SRPRB: variants seen among roughly 807,000 people sequenced by gnomAD.
SRPRB encodes signal recognition particle receptor subunit beta.
In SRPRB, 20 loss-of-function variants were observed where a neutral mutation model predicts 31.9. The ratio of observed to expected loss-of-function variants is 0.63; its 90% CI spans 0.44 to 0.91. The LOEUF (loss-of-function observed/expected upper bound fraction) is 0.91, where lower values mean the gene tolerates loss of function less well. Among genes scored for constraint, SRPRB ranks in the 40% least tolerant of loss-of-function variants. SRPRB has a pLI of 0.00. For synonymous variants in SRPRB, 146 were observed against 132.8 expected, an observed-to-expected ratio of 1.10 and a Z score of -0.68; for missense variants, 321 against 324.9, an observed-to-expected ratio of 0.99 and a Z score of 0.09.
At chr3:133,805,667 G>A, upstream of SRPRB, 4 of 643,016 alleles carry the variant, frequency 6.2e-6, no homozygotes, top group African/African-American at 5.7e-5. Flanking sequence ...TGCCCCTATC[G>A]TTCTGTAGGA....
intron 1 of SRPRB, chr3:133,796,608 T>C (rs1934978366): frequency 6.6e-6 from 1 of 152,212 alleles, no homozygotes; most frequent in Non-Finnish European, 1.5e-5. Context: ...GAGTGTACTT[T>C]TGTTTTCAAT....
chr3:133,798,366 T>C (rs2107961982), intron 1 of SRPRB, among the ~76,000 whole-genome samples: 1 of 152,332 alleles, frequency 6.6e-6, no homozygotes, highest in Middle Eastern at 3.4e-3. Context: ...CATTAAGTAA[T>C]TCAGTGAAAA....
intron 4 of SRPRB, among the ~76,000 whole-genome samples, chr3:133,812,912 TC>T (rs1197522299): frequency 1.3e-5 from 2 of 152,212 alleles, no homozygotes; most frequent in African/African-American, 4.8e-5. Context: ...TTTTACTTCT[TC>T]CCTTTAGATT....
At chr3:133,814,054 A>G (rs1473387763) in intron 4 of SRPRB, among the ~76,000 whole-genome samples, 1 of 151,710 alleles carries the variant, frequency 6.6e-6, no homozygotes, top group Non-Finnish European at 1.5e-5. Flanking sequence ...ATTCAGTTCT[A>G]GCTCCCCAGC....
At chr3:133,796,510 A>G (rs1278624947) in intron 1 of SRPRB, 2 of 152,262 alleles carry the variant, frequency 1.3e-5, no homozygotes, top group Non-Finnish European at 1.5e-5. Context: ...TGAGTAACCA[A>G]TGGAAACCTC....
At position 133,810,323 on chromosome 3, in the gene SRPRB, T is replaced by G. The variant is rs531918744; in HGVS notation, c.328-794T>G. 9.2e-5 allele frequency: 14 copies of G among 152,372 alleles called. No homozygotes were observed. In the South Asian group the frequency reaches 2.9e-3, roughly 32 times the overall value. The allele number at this position is 152,372 out of a possible 1,614,324, so 9.4% of individuals were successfully genotyped here. Reference sequence around the variant, plus strand: ...TGTGGGTATGGTTGGCTGTGGATAATGTAGAACATGTAAGAAATGATGGTC... The same window carrying G: ...TGTGGGTATGGTTGGCTGTGGATAAGGTAGAACATGTAAGAAATGATGGTC... On this transcript the variant is annotated intron_variant, in intron 3 of 6. Transcript: ENST00000678299.
intron 3 of SRPRB, among the ~76,000 whole-genome samples, chr3:133,809,833 TTAAA>T (rs1369954086): frequency 1.3e-5 from 2 of 152,210 alleles, no homozygotes; most frequent in Non-Finnish European, 2.9e-5. Context: ...ATATATTAGA[TTAAA>T]TAACTTAAAA....
At chr3:133,788,667 G>C (rs933842796) in intron 1 of SRPRB, 2 of 151,928 alleles carry the variant, frequency 1.3e-5, no homozygotes, top group Non-Finnish European at 2.9e-5. Flanking sequence ...TTTCCAACTC[G>C]GGACCCTTGG....
At chr3:133,814,090 T>C (rs1935322418) in intron 4 of SRPRB, among the ~76,000 whole-genome samples, 1 of 152,158 alleles carries the variant, frequency 6.6e-6, no homozygotes, top group Non-Finnish European at 1.5e-5. Context: ...GCATGTCTCT[T>C]ATCTCCACCT....
At chr3:133,823,106 C>A (rs187120721), downstream of SRPRB, among the ~76,000 whole-genome samples, 1 of 152,212 alleles carries the variant, frequency 6.6e-6, no homozygotes, top group Admixed American at 6.5e-5. Flanking sequence ...GCACTTGACT[C>A]CTAAGCGCTG....
chr3:133,807,249 ATTTTTTTTTT>A (rs60049102), intron 2 of SRPRB, among the ~76,000 whole-genome samples: 4 of 114,648 alleles, frequency 3.5e-5, no homozygotes, highest in Admixed American at 1.9e-4. Context: ...AAATACCTCC[ATTTTTTTTTT>A]TTTTTTTTTT....
rs1416495958 is a variant in SRPRB, at chr3:133,805,858, G to A, written c.10G>A (p.Ala4Thr). Residue 4 changes from alanine (A) to threonine (T), a missense_variant, in exon 1 of 7, where the codon GCG becomes ACG. By Grantham distance (58) the Ala-to-Thr change is moderately conservative (BLOSUM62 0). Coordinates refer to ENST00000678299, the MANE Select transcript of SRPRB (RefSeq NM_001379313.1). MASADSRRVADGGG... is the reference protein window; with the variant it reads MASTDSRRVADGGG... Reference sequence around the variant, plus strand: ...ACCACGCGTCTCATCCATGGCTTCCGCGGACTCGCGCCGGGTGGCAGATGG... The same window carrying A: ...ACCACGCGTCTCATCCATGGCTTCCACGGACTCGCGCCGGGTGGCAGATGG... 1 of 1,610,528 alleles carries A rather than the reference G, an allele frequency of 6.2e-7. No individual in the cohort carries two copies. Among genetic ancestry groups the A allele is most frequent in the Non-Finnish European group, 8.5e-7 (1 of 1,178,236 alleles).
At position 133,819,534 on chromosome 3, in the gene SRPRB, C is replaced by T. The variant is rs550107435; in HGVS notation, c.603-19C>T. On this transcript the variant is annotated intron_variant, in intron 6 of 6. Coordinates refer to ENST00000678299, the MANE Select transcript of SRPRB (RefSeq NM_001379313.1). ...GTATAAAAATTTTGCCTCCTGACTT[C>T]TTTCCTTTTGCCCCACAGCAACACC... The T allele has an allele frequency of 6.2e-7, 1 of 1,600,960 alleles. No individual in the cohort carries two copies. The highest frequency in any genetic ancestry group is 2.2e-5 in the East Asian group (1 of 44,476).
intron 1 of SRPRB, chr3:133,795,743 T>C (rs1934951733): frequency 6.6e-6 from 1 of 151,772 alleles, no homozygotes; most frequent in Non-Finnish European, 1.5e-5. Flanking sequence ...GCCCGGCTAA[T>C]TTTTTTGTAT....
chr3:133,815,598 T>C lies in SRPRB; in HGVS notation c.419T>C (p.Val140Ala). The part of the protein sequence containing the change: ...ERFKSSARAI[V>A]FVVDSAAFQR... ...TTGTTTTCTCCCTCCAGGGCTATTG[T>C]GTTTGTTGTGGATAGTGCAGCATTC... Residue 140 changes from valine (V) to alanine (A), a missense_variant, in exon 5 of 7, where the codon GTG becomes GCG. Coordinates refer to ENST00000678299, the MANE Select transcript of SRPRB (RefSeq NM_001379313.1). 6.2e-7 allele frequency: 1 copy of C among 1,613,922 alleles called. No individual in the cohort carries two copies. Among genetic ancestry groups the C allele is most frequent in the Admixed American group, 1.7e-5 (1 of 60,000 alleles).
chr3:133,801,506 AC>A (rs1189424042), upstream of SRPRB, among the ~76,000 whole-genome samples: 4 of 152,188 alleles, frequency 2.6e-5, no homozygotes, highest in Non-Finnish European at 5.9e-5. Flanking sequence ...CTTTTCTTGA[AC>A]CTTTTTTCTT....
Position 133,805,827 on chromosome 3 carries a change from C to T in SRPRB, c.-22C>T. ...GCAGGGCCACGTCGCTTTTGCTGTA[C>T]CGGGGACCACGCGTCTCATCCATGG... On this transcript the variant is annotated 5_prime_UTR_variant, in exon 1 of 7. Transcript: ENST00000678299. 4.4e-6 allele frequency: 7 copies of T among 1,596,140 alleles called. No individual in the cohort carries two copies. The highest frequency in any genetic ancestry group is 6.0e-6 in the Non-Finnish European group (7 of 1,171,714).
upstream of SRPRB, among the ~76,000 whole-genome samples, chr3:133,804,027 C>T (rs1330398833): frequency 2.3e-5 from 3 of 128,450 alleles, no homozygotes; most frequent in African/African-American, 6.0e-5. Flanking sequence ...ACCCGGGAGG[C>T]GGAGCTTGCA....
downstream of SRPRB, among the ~76,000 whole-genome samples, chr3:133,822,857 T>C (rs6786236): frequency 0.36 from 54,605 of 152,068 alleles, 10,165 homozygotes; most frequent in East Asian, 0.46. Flanking sequence ...TTCATTTAAA[T>C]GCGCAGGAAA....
Sources: allele counts gnomAD v4.1 joint callset (sites outside exome capture counted in the v4.1 genomes callset), GRCh38; gene constraint gnomAD v4.1.1; transcripts MANE v1.5; gene names NCBI Gene and HGNC (gene_info 2026-07-23, HGNC 2026-07-21).